Variants in ASTE1 observed in about 807,000 individuals in gnomAD.
ASTE1 encodes single-strand DNA endonuclease ASTE1.
Under a neutral mutation model 45.8 loss-of-function variants are expected in ASTE1, and 49 were observed. The ratio of observed to expected loss-of-function variants is 1.07; its 90% CI spans 0.85 to 1.36. The LOEUF (loss-of-function observed/expected upper bound fraction) is 1.36. Among genes scored for constraint, ASTE1 ranks in the 40% most tolerant of loss-of-function variants. The pLI, the probability that ASTE1 is intolerant of heterozygous loss-of-function variation, is 0.00. For synonymous variants in ASTE1, 296 were observed against 303.9 expected (o/e 0.97, Z 0.27); for missense variants, 709 against 804.0 (o/e 0.88, Z 1.43).
intron 4 of ASTE1, chr3:131,016,721 C>T (rs569481548): frequency 6.7e-4 from 216 of 323,234 alleles, no homozygotes; most frequent in African/African-American, 4.0e-3. Context: ...AACTCCCAAG[C>T]TGTGGTGCAT....
chr3:131,025,349 A>T lies in ASTE1; in HGVS notation c.-25-18T>A. The T allele has an allele frequency of 6.4e-7, 1 of 1,564,992 alleles. No homozygotes were observed. The highest frequency in any genetic ancestry group is 8.6e-7 in the Non-Finnish European group (1 of 1,156,844). ...TTAATCGCCTGTTTAAAACAACAGA[A>T]AACATTTTCAATTGATGCTAGTTAT... On this transcript the variant is annotated intron_variant, in intron 2 of 5. Coordinates refer to ENST00000264992, the MANE Select transcript of ASTE1 (RefSeq NM_014065.4).
At position 131,024,518 on chromosome 3, in the gene ASTE1, C is replaced by T; in HGVS notation, c.789G>A (p.Leu263=). 5 of 1,614,138 alleles carry T rather than the reference C, an allele frequency of 3.1e-6. No homozygotes were observed. The highest frequency in any genetic ancestry group is 4.2e-6 in the Non-Finnish European group (5 of 1,180,036). Reference sequence around the variant, plus strand: ...CTTCGGTAGGGTTGGCAAAATGAGACAACCAATTCAGAAGTCCCAGGATTC... The same window carrying T: ...CTTCGGTAGGGTTGGCAAAATGAGATAACCAATTCAGAAGTCCCAGGATTC... The part of the protein sequence containing the change: ...HHRILGLLNW[L]SHFANPTEAL... Residue 263 remains leucine (L), a synonymous_variant, in exon 3 of 6, where the codon TTG becomes TTA. Coordinates refer to ENST00000264992, the MANE Select transcript of ASTE1 (RefSeq NM_014065.4).
intron 5 of ASTE1, 85 bp from the exon 6 acceptor site, chr3:131,014,472 G>A (rs1357235544): frequency 7.8e-7 from 1 of 1,286,436 alleles, no homozygotes; most frequent in Non-Finnish European, 1.1e-6. Flanking sequence ...TTCAACAAAT[G>A]CATCTAAACA....
At chr3:131,021,483 C>A (rs1486286102) in intron 3 of ASTE1, among the ~76,000 whole-genome samples, 1 of 152,182 alleles carries the variant, frequency 6.6e-6, no homozygotes, top group South Asian at 2.1e-4. Flanking sequence ...AGTAATAATT[C>A]AGTTAAAACT....
In ASTE1 at chr3:131,025,156, C is replaced by T; in HGVS notation, c.151G>A (p.Gly51Arg). 6.2e-7 allele frequency: 1 copy of T among 1,614,236 alleles called. No homozygotes were observed. The highest frequency in any genetic ancestry group is 1.1e-5 in the South Asian group (1 of 91,078). The change falls in exon 3 of 6, where the codon GGG becomes AGG. Residue 51 changes from glycine (G) to arginine (R), a missense_variant. Physicochemically the swap from Gly to Arg is moderately radical, Grantham distance 125. Transcript: ENST00000264992. Reference protein sequence around the residue: ...FSSNLDLRYGGDYDSFADVVQ... With the variant: ...FSSNLDLRYGRDYDSFADVVQ... Reference sequence around the variant, plus strand: ...ACATCTGCAAAAGAATCATAGTCCCCTCCATACCGGAGATCCAAGTTTGAA... The same window carrying T: ...ACATCTGCAAAAGAATCATAGTCCCTTCCATACCGGAGATCCAAGTTTGAA...
At chr3:131,018,390 G>C (rs920581936) in intron 4 of ASTE1, 116 bp downstream of exon 4, 2 of 1,023,846 alleles carry the variant, frequency 2.0e-6, no homozygotes. Flanking sequence ...CATCTAAGTT[G>C]TGATACAATT....
chr3:131,016,246 A>T lies in ASTE1; in HGVS notation c.1607T>A (p.Leu536Ter). 6.2e-7 allele frequency: 1 copy of T among 1,614,148 alleles called. No individual in the cohort carries two copies. The highest frequency in any genetic ancestry group is 8.5e-7 in the Non-Finnish European group (1 of 1,180,018). Residue 536 changes from leucine (L) to a stop codon, truncating the protein, a stop_gained, in exon 5 of 6, where the codon TTA becomes TAA. Coordinates refer to ENST00000264992, the MANE Select transcript of ASTE1 (RefSeq NM_014065.4). LOFTEE classifies it high-confidence loss of function. ...AQTRLGTRLDLDTAHIFCQWQ... is the reference protein window; with the variant it reads ...AQTRLGTRLD The stretch of plus-strand genomic sequence containing the variant: ...CTGACAGAAGATGTGAGCTGTGTCT[A>T]AGTCCAGTCTTGTGCCCAGCCGTGT...
chr3:131,024,623 A>G lies in ASTE1; in HGVS notation c.684T>C (p.Asn228=), dbSNP rs747487433. The G allele has an allele frequency of 6.2e-7, 1 of 1,605,304 alleles. No individual in the cohort carries two copies. The highest frequency in any genetic ancestry group is 2.2e-5 in the East Asian group (1 of 44,832). ...TTAAGAATGTCTCCATGATGGGTAG[A>G]TTAACATGGTCATTTCCACATAGCA... ...FAVLCGNDHV[N]LPIMETFLSK... Residue 228 remains asparagine (N), a synonymous_variant, in exon 3 of 6, where the codon AAT becomes AAC. Coordinates refer to ENST00000264992, the MANE Select transcript of ASTE1 (RefSeq NM_014065.4).
chr3:131,024,599 T>G lies in ASTE1; in HGVS notation c.708A>C (p.Leu236Phe), dbSNP rs755817825. 3.7e-6 allele frequency: 6 copies of G among 1,611,560 alleles called. No homozygotes were observed. The African/African-American group carries it at 8.0e-5, about 22-fold the overall frequency. The change falls in exon 3 of 6, where the codon TTA becomes TTC. Residue 236 changes from leucine (L) to phenylalanine (F), a missense_variant. Transcript: ENST00000264992. Reference sequence around the variant, plus strand: ...CTCCAAGAGGAAGACGCGCTTTACTTAAGAATGTCTCCATGATGGGTAGAT... The same window carrying G: ...CTCCAAGAGGAAGACGCGCTTTACTGAAGAATGTCTCCATGATGGGTAGAT... ...HVNLPIMETF[L>F]SKARLPLGAT...
chr3:131,015,209 T>C (rs1478405257), intron 5 of ASTE1: 1 of 702,430 alleles, frequency 1.4e-6, no homozygotes, highest in Admixed American at 2.0e-5. Context: ...CCCACCATAT[T>C]TTGTATGCGT....
intron 3 of ASTE1, 51 bp from the exon 4 acceptor site, chr3:131,018,767 A>G: frequency 6.4e-7 from 1 of 1,570,786 alleles, no homozygotes; most frequent in South Asian, 1.1e-5. Flanking sequence ...AATGTCTGTT[A>G]TTTCTTTTTT....
chr3:131,020,936 TG>T (rs1280187602), intron 3 of ASTE1, among the ~76,000 whole-genome samples: 2 of 152,118 alleles, frequency 1.3e-5, no homozygotes, highest in Admixed American at 6.6e-5. Flanking sequence ...GATTTCCATG[TG>T]GGGGGAAAAG....
intron 3 of ASTE1, among the ~76,000 whole-genome samples, chr3:131,020,435 C>A (rs1356797188): frequency 1.3e-5 from 2 of 152,188 alleles, no homozygotes; most frequent in Admixed American, 6.5e-5. Flanking sequence ...TGCCTTACTC[C>A]TTAAGAATGA....
At position 131,024,136 on chromosome 3, in the gene ASTE1, A is replaced by T; in HGVS notation, c.1171T>A (p.Ser391Thr). 6.2e-7 allele frequency: 1 copy of T among 1,614,178 alleles called. No homozygotes were observed. Among genetic ancestry groups the T allele is most frequent in the Non-Finnish European group, 8.5e-7 (1 of 1,180,012 alleles). ...GGCTGAGGAGGCAATGCATTCCAGGATGTCTTGTCCAGATGTGGTGAGGCA... is the reference window on the plus strand; with the variant it reads ...GGCTGAGGAGGCAATGCATTCCAGGTTGTCTTGTCCAGATGTGGTGAGGCA... ...LNASPHLDKTSWNALPPQPLA... is the reference protein window; with the variant it reads ...LNASPHLDKTTWNALPPQPLA... The change falls in exon 3 of 6, where the codon TCC becomes ACC. Residue 391 changes from serine to threonine, a missense_variant. Transcript: ENST00000264992.
In ASTE1 at chr3:131,016,352, A is replaced by G; in HGVS notation, c.1514-13T>C. Reference sequence around the variant, plus strand: ...AGCTCTTCCTTACCTAAATAAAGAAACAGCCCAAGGGCAGTATTTCTAAAA... The same window carrying G: ...AGCTCTTCCTTACCTAAATAAAGAAGCAGCCCAAGGGCAGTATTTCTAAAA... On this transcript the variant is annotated splice_polypyrimidine_tract_variant and intron_variant, in intron 4 of 5. Coordinates refer to ENST00000264992, the MANE Select transcript of ASTE1 (RefSeq NM_014065.4). 6.2e-7 allele frequency: 1 copy of G among 1,614,144 alleles called. No individual in the cohort carries two copies. Among genetic ancestry groups the G allele is most frequent in the Non-Finnish European group, 8.5e-7 (1 of 1,180,006 alleles).
intron 4 of ASTE1, chr3:131,017,156 A>G (rs879352398): frequency 2.2e-5 from 15 of 690,288 alleles, no homozygotes; most frequent in Non-Finnish European, 2.8e-5. Flanking sequence ...TTATTATTCA[A>G]TCAGAGGAAA....
At position 131,016,214 on chromosome 3, in the gene ASTE1, A is replaced by C. The variant is rs979366704; in HGVS notation, c.1639T>G (p.Ser547Ala). The C allele has an allele frequency of 1.2e-6, 2 of 1,614,148 alleles. No homozygotes were observed. Among genetic ancestry groups the C allele is most frequent in the Non-Finnish European group, 1.7e-6 (2 of 1,180,028 alleles). The stretch of plus-strand genomic sequence containing the variant: ...AGATACATCCCCATCTGGAGACAGG[A>C]CTGCCACTGACAGAAGATGTGAGCT... ...DTAHIFCQWQSCLQMGMYLNQ... is the reference protein window; with the variant it reads ...DTAHIFCQWQACLQMGMYLNQ... The change falls in exon 5 of 6, where the codon TCC becomes GCC. Residue 547 changes from serine to alanine, a missense_variant. Transcript: ENST00000264992.
In ASTE1 at chr3:131,016,288, T is replaced by G. The variant is rs1192525846; in HGVS notation, c.1565A>C (p.Gln522Pro). The G allele has an allele frequency of 6.2e-7, 1 of 1,614,070 alleles. No individual in the cohort carries two copies. The highest frequency in any genetic ancestry group is 1.7e-5 in the Admixed American group (1 of 60,002). ...CAGCCGTGTCTGCGCCTTCACTCTT[T>G]GGAACTCTGCATACAACATCTTAGC... ...DGAKMLYAEF[Q>P]RVKAQTRLGT... The change falls in exon 5 of 6, where the codon CAA (glutamine) becomes CCA (proline). Residue 522 changes from glutamine to proline, a missense_variant. By Grantham distance (76) the Gln-to-Pro change is moderately conservative. Coordinates refer to ENST00000264992, the MANE Select transcript of ASTE1 (RefSeq NM_014065.4).
chr3:131,023,682 A>C (rs1370571179), intron 3 of ASTE1, among the ~76,000 whole-genome samples: 2 of 152,118 alleles, frequency 1.3e-5, no homozygotes, highest in Non-Finnish European at 2.9e-5. Context: ...TCAGCCACGT[A>C]ACCCATTCTA....
Sources: allele counts gnomAD v4.1 joint callset (sites outside exome capture counted in the v4.1 genomes callset), GRCh38; gene constraint gnomAD v4.1.1; transcripts MANE v1.5; gene names NCBI Gene and HGNC (gene_info 2026-07-23, HGNC 2026-07-21).